TMEM145: variants seen among roughly 807,000 people sequenced by gnomAD.
TMEM145 encodes the protein transmembrane protein 145.
A neutral mutation model predicts 68.5 loss-of-function variants in TMEM145; 46 were observed. The ratio of observed to expected loss-of-function variants is 0.67; its 90% CI spans 0.53 to 0.86. The LOEUF (loss-of-function observed/expected upper bound fraction) is 0.86. TMEM145 is among the 40% of genes least tolerant of loss of function. The pLI, the probability that TMEM145 is intolerant of heterozygous loss-of-function variation, is 0.00. For missense variants in TMEM145, 570 were observed against 645.8 expected, an observed-to-expected ratio of 0.88 and a Z score of 1.27; for synonymous variants, 255 against 280.2, an observed-to-expected ratio of 0.91 and a Z score of 0.90.
At chr19:42,315,525 G>T in intron 8 of TMEM145, 85 bp downstream of exon 8, 5 of 1,449,684 alleles carry the variant, frequency 3.4e-6, no homozygotes, top group South Asian at 1.2e-5. Flanking sequence ...ATGCCTGGGG[G>T]CCTGGACTCC....
At chr19:42,317,079 T>C (rs2038866879) in intron 11 of TMEM145, 116 bp downstream of exon 11, 5 of 823,770 alleles carry the variant, frequency 6.1e-6, no homozygotes, top group African/African-American at 1.7e-5. Flanking sequence ...TCGCTCTCTC[T>C]CCCACTCTTC....
intron 8 of TMEM145, 45 bp from the exon 9 acceptor site, chr19:42,316,436 C>A: frequency 6.3e-7 from 1 of 1,580,338 alleles, no homozygotes; most frequent in Non-Finnish European, 8.7e-7. Flanking sequence ...AGTGATGCCC[C>A]AGAGCTGCTT....
chr19:42,319,979 G>A (rs140580403), intron 12 of TMEM145, among the ~76,000 whole-genome samples: 7,459 of 151,974 alleles, frequency 0.049, 285 homozygotes, highest in South Asian at 0.16. Flanking sequence ...GGCTGGTCTC[G>A]AACTCCCAAC....
Position 42,324,856 on chromosome 19 carries a change from A to C in TMEM145, c.*39A>C, listed in dbSNP as rs1463216328. 4.4e-5 allele frequency: 66 copies of C among 1,507,800 alleles called. No individual in the cohort carries two copies. Among genetic ancestry groups the C allele is most frequent in the Non-Finnish European group, 5.5e-5 (62 of 1,135,174 alleles). The allele number at this position is 1,507,800 out of a possible 1,614,324, so 93.4% of individuals were successfully genotyped here. On this transcript the variant is annotated 3_prime_UTR_variant, in exon 15 of 15. Coordinates refer to ENST00000301204, the MANE Select transcript of TMEM145 (RefSeq NM_173633.3). ...CGGAACACCCGTGGTGACCGCCGGG[A>C]CCCTGCCTGTGACTCTCCAGGACTC...
chr19:42,316,846 T>C, intron 10 of TMEM145, 24 bp from the exon 11 acceptor site: 1 of 1,612,434 alleles, frequency 6.2e-7, no homozygotes, highest in South Asian at 1.1e-5. Context: ...CACCCTGCTG[T>C]CTCCCCTCAT....
rs1310310594 is a variant in TMEM145, at chr19:42,314,080, GGAGAAAA to G, written c.121-191_121-185del. Among the ~76,000 whole-genome samples, 4 of 152,102 alleles carry G rather than the reference GGAGAAAA, an allele frequency of 2.6e-5. No homozygotes were observed. The East Asian group carries it at 7.8e-4, about 30-fold the overall frequency. Reference sequence around the variant, plus strand: ...GAGGAAACTTGGGGGGGCAATGGAGGGAGAAAATCAGGGCGGCAGGAATCCTGGACCC... The same window carrying G: ...GAGGAAACTTGGGGGGGCAATGGAGGTCAGGGCGGCAGGAATCCTGGACCC... On this transcript the variant is annotated intron_variant, in intron 1 of 14. Transcript: ENST00000301204.
At chr19:42,316,793 G>A in intron 10 of TMEM145, 53 bp downstream of exon 10, 5 of 1,584,590 alleles carry the variant, frequency 3.2e-6, no homozygotes, top group Middle Eastern at 1.7e-4. Context: ...CAGGGCAGGG[G>A]CAGGGTTGGG....
rs1204574306 is a variant in TMEM145 at position 42,314,375 on chromosome 19, G to A, written c.195+29G>A. On this transcript the variant is annotated intron_variant, in intron 2 of 14. Coordinates refer to ENST00000301204, the MANE Select transcript of TMEM145 (RefSeq NM_173633.3). ...AGTCTCCCCCAACACTCGCCATGCTGAGGCTGGGTACTTCCCTTGGCCTCC... is the reference window on the plus strand; with the variant it reads ...AGTCTCCCCCAACACTCGCCATGCTAAGGCTGGGTACTTCCCTTGGCCTCC... 5 of 1,614,064 alleles carry A rather than the reference G, an allele frequency of 3.1e-6. No individual in the cohort carries two copies. In the Admixed American group the frequency reaches 8.3e-5, roughly 27 times the overall value.
Position 42,314,852 on chromosome 19 carries a change from G to A in TMEM145, c.420+1G>A, listed in dbSNP as rs1203989572. 6.2e-7 allele frequency: 1 copy of A among 1,614,218 alleles called. No homozygotes were observed. On this transcript the variant is annotated splice_donor_variant, in intron 5 of 14. Transcript: ENST00000301204. LOFTEE classifies it high-confidence loss of function. ...CTCCAGTGGCCGCAGCTTCCGCTCA[G>A]TGCGTGAACGGTGGTGGTATATTGC...
At chr19:42,324,539 G>T (rs1441208943) in intron 14 of TMEM145, 198 bp from the exon 15 acceptor site, 1 of 984,984 alleles carries the variant, frequency 1.0e-6, no homozygotes, top group Non-Finnish European at 1.2e-6. Context: ...ACCCCTGCCC[G>T]CCCCTGCCCC....
At chr19:42,322,952 C>T (rs780775928) in intron 13 of TMEM145, among the ~76,000 whole-genome samples, 1 of 152,256 alleles carries the variant, frequency 6.6e-6, no homozygotes, top group South Asian at 2.1e-4. Flanking sequence ...CCGCCCGCCT[C>T]GGCCTCCCCA....
chr19:42,317,913 C>T (rs759203222), intron 12 of TMEM145, 32 bp downstream of exon 12: 1 of 1,612,038 alleles, frequency 6.2e-7, no homozygotes, highest in Non-Finnish European at 8.5e-7. Flanking sequence ...CCTGTCCCTG[C>T]CTCCCTCTCG....
At position 42,313,358 on chromosome 19, in the gene TMEM145, C is replaced by A. The variant is rs1568545593; in HGVS notation, c.-19C>A. ...GCCAGTGCGGGAGCCGGAGCGGAGCCGGGGCCGGAGCGGGCGGAATGGAGC... is the reference window on the plus strand; with the variant it reads ...GCCAGTGCGGGAGCCGGAGCGGAGCAGGGGCCGGAGCGGGCGGAATGGAGC... On this transcript the variant is annotated 5_prime_UTR_variant, in exon 1 of 15. Coordinates refer to ENST00000301204, the MANE Select transcript of TMEM145 (RefSeq NM_173633.3). This position sits in a 1 kb window ranked among gnomAD's most constrained non-coding sequence, Gnocchi z 5.1. The A allele has an allele frequency of 9.7e-7, 1 of 1,036,186 alleles. No homozygotes were observed. Among genetic ancestry groups the A allele is most frequent in the East Asian group, 3.4e-5 (1 of 29,654 alleles). 64.2% of individuals were successfully genotyped at this position (1,036,186 alleles called of 1,614,324 possible).
At chr19:42,317,587 GCT>G (rs1480301748) in intron 11 of TMEM145, 120 bp from the exon 12 acceptor site, 1 of 819,952 alleles carries the variant, frequency 1.2e-6, no homozygotes, top group African/African-American at 1.7e-5. Context: ...TCCGTGCCTG[GCT>G]CTCCTGTTGC....
In TMEM145 at chr19:42,325,023, C is replaced by T. The variant is rs368933701; in HGVS notation, c.*206C>T. 1 of 733,612 alleles carries T rather than the reference C, an allele frequency of 1.4e-6. No homozygotes were observed. The highest frequency in any genetic ancestry group is 1.9e-6 in the Non-Finnish European group (1 of 525,904). The allele number at this position is 733,612 out of a possible 1,614,324, so 45.4% of individuals were successfully genotyped here. On this transcript the variant is annotated 3_prime_UTR_variant, in exon 15 of 15. Coordinates refer to ENST00000301204, the MANE Select transcript of TMEM145 (RefSeq NM_173633.3). ...GGTCCCTGGCAGAAAGACATTTTAC[C>T]CCTTCTTGCCAAAATAAAAAAGGAT...
chr19:42,324,538 C>T (rs963146849), intron 14 of TMEM145, 199 bp from the exon 15 acceptor site: 2 of 985,270 alleles, frequency 2.0e-6, no homozygotes, highest in Non-Finnish European at 2.4e-6. Flanking sequence ...CACCCCTGCC[C>T]GCCCCTGCCC....
intron 13 of TMEM145, 95 bp downstream of exon 13, chr19:42,320,532 A>G (rs1599986532): frequency 1.3e-6 from 2 of 1,564,130 alleles, no homozygotes; most frequent in East Asian, 4.5e-5. Flanking sequence ...TCCTGTTCTG[A>G]GGTCTTGATC....
In TMEM145 at chr19:42,323,714, T is replaced by A; in HGVS notation, c.1326T>A (p.Tyr442Ter). 1 of 1,614,166 alleles carries A rather than the reference T, an allele frequency of 6.2e-7. No individual in the cohort carries two copies. Among genetic ancestry groups the A allele is most frequent in the Non-Finnish European group, 8.5e-7 (1 of 1,180,010 alleles). Reference sequence around the variant, plus strand: ...ACAAGGCCTTCCCGCAGCACGTCTATGGGAACGTGACGTTTATCAGCGACT... The same window carrying A: ...ACAAGGCCTTCCCGCAGCACGTCTAAGGGAACGTGACGTTTATCAGCGACT... ...SADKAFPQHV[Y>*]GNVTFISDSV... The change falls in exon 14 of 15, where the codon TAT becomes TAA. Residue 442 changes from tyrosine to a stop codon, truncating the protein, a stop_gained. Transcript: ENST00000301204. LOFTEE classifies it high-confidence loss of function.
chr19:42,324,802 C>T lies in TMEM145; in HGVS notation c.1467C>T (p.Pro489=). The stretch of plus-strand genomic sequence containing the variant: ...TCCGTGACCTCCGGCCCCCTGGCCC[C>T]CTTCGAGACCTCTGACCCCGCTGGA... ...PLFRDLRPPG[P]LRDL is the part of the protein sequence containing the mutation. The change falls in exon 15 of 15, where the codon CCC becomes CCT. Residue 489 remains proline, a synonymous_variant. Coordinates refer to ENST00000301204, the MANE Select transcript of TMEM145 (RefSeq NM_173633.3). 1 of 1,568,682 alleles carries T rather than the reference C, an allele frequency of 6.4e-7. No individual in the cohort carries two copies. The highest frequency in any genetic ancestry group is 8.6e-7 in the Non-Finnish European group (1 of 1,164,074).
Sources: gnomAD v4.1 joint callset for allele counts (sites outside exome capture counted in the v4.1 genomes callset) on GRCh38, gnomAD v4.1.1 for gene constraint, Gnocchi (gnomAD v3.1) non-coding constraint, MANE v1.5 for transcripts, NCBI Gene and HGNC (gene_info 2026-07-23, HGNC 2026-07-21) for gene names.